The following ELF5 variants were observed in gnomAD, a reference collection of about 807,000 sequenced individuals.
The protein encoded by ELF5 is E74 like ETS transcription factor 5.
A neutral mutation model predicts 38.2 loss-of-function variants in ELF5; 31 were observed. The observed-to-expected ratio is 0.81, with a 90% CI of 0.61 to 1.10. The LOEUF is 1.10. ELF5 is among the 50% of genes least tolerant of loss of function. The pLI is 0.00. For missense variants in ELF5, 300 were observed against 306.6 expected (o/e 0.98, Z 0.16); for synonymous variants, 121 against 112.5 (o/e 1.08, Z -0.48).
In ELF5 at chr11:34,480,943, T is replaced by G; in HGVS notation, c.500A>C (p.Glu167Ala). Residue 167 changes from glutamate to alanine, a missense_variant, in exon 6 of 7, where the codon GAA (glutamate) becomes GCA (alanine). Glu to Ala is a moderately radical substitution (Grantham distance 107). Transcript: ENST00000257832. ...RTSLQSSHLW[E>A]FVRDLLLSPE... ...AGATAGAAGCAGGTCTCGTACAAAT[T>G]CCCATAGATGAGAACTTTGGAGGCC... 1 of 1,613,430 alleles carries G rather than the reference T, an allele frequency of 6.2e-7. No homozygotes were observed. The highest frequency in any genetic ancestry group is 1.3e-5 in the African/African-American group (1 of 74,944).
intron 2 of ELF5, among the ~76,000 whole-genome samples, chr11:34,499,438 C>A (rs1370085069): frequency 1.3e-5 from 2 of 152,010 alleles, no homozygotes; most frequent in African/African-American, 4.8e-5. Context: ...CAGGGTCTCA[C>A]CATTTTGCTC....
intron 2 of ELF5, among the ~76,000 whole-genome samples, chr11:34,505,249 T>G (rs370867301): frequency 1.3e-5 from 2 of 152,312 alleles, no homozygotes; most frequent in South Asian, 4.1e-4. Flanking sequence ...CAGTAAATGT[T>G]GGCTAAAACC....
chr11:34,496,274 C>G (rs1397578660), intron 2 of ELF5, among the ~76,000 whole-genome samples: 2 of 152,362 alleles, frequency 1.3e-5, no homozygotes, highest in East Asian at 3.9e-4. Context: ...GCGGCCTCGG[C>G]CCCTGGAGGG....
intron 4 of ELF5, among the ~76,000 whole-genome samples, chr11:34,484,469 C>A (rs1857026120): frequency 1.6e-5 from 1 of 60,728 alleles, no homozygotes; most frequent in African/African-American, 1.2e-4. Context: ...CTGTACTGTG[C>A]TACACTATAC....
At chr11:34,481,455 T>C (rs1439653104) in intron 5 of ELF5, among the ~76,000 whole-genome samples, 1 of 152,238 alleles carries the variant, frequency 6.6e-6, no homozygotes, top group Non-Finnish European at 1.5e-5. Flanking sequence ...GACATGTCTG[T>C]GTCTCCCATC....
chr11:34,491,100 G>C (rs1229858857), intron 3 of ELF5, among the ~76,000 whole-genome samples: 1 of 152,182 alleles, frequency 6.6e-6, no homozygotes, highest in Non-Finnish European at 1.5e-5. Context: ...TGTTCTGCCA[G>C]AGTCAAAACC....
chr11:34,481,573 G>T (rs1856943881), intron 5 of ELF5, among the ~76,000 whole-genome samples: 1 of 152,200 alleles, frequency 6.6e-6, no homozygotes, highest in African/African-American at 2.4e-5. Flanking sequence ...TGGAATGAGT[G>T]AAATGACAGT....
At chr11:34,509,151 G>A (rs929625479) in intron 1 of ELF5, among the ~76,000 whole-genome samples, 1 of 152,106 alleles carries the variant, frequency 6.6e-6, no homozygotes, top group Non-Finnish European at 1.5e-5. Flanking sequence ...ACAACATGGC[G>A]AAACCCCGTC....
rs753269550 is a variant in ELF5, at chr11:34,493,559, A to G, written c.275T>C (p.Met92Thr). 2 of 1,614,226 alleles carry G rather than the reference A, an allele frequency of 1.2e-6. No homozygotes were observed. Among genetic ancestry groups the G allele is most frequent in the Admixed American group, 1.7e-5 (1 of 60,018 alleles). The change falls in exon 3 of 7, where the codon ATG (methionine) becomes ACG (threonine). Residue 92 changes from methionine to threonine, a missense_variant. Met to Thr is a moderately conservative substitution (Grantham distance 81). Coordinates refer to ENST00000257832, the MANE Select transcript of ELF5 (RefSeq NM_001422.4). The part of the protein sequence containing the change: ...FNISGLQLCS[M>T]TQEEFVEAAG... ...TGCCTCGACGAACTCCTCCTGTGTC[A>G]TGCTGCACAGCTGCAGGCCACTGAT... is the stretch of plus-strand genomic sequence containing the variant.
chr11:34,509,357 G>T (rs951485043), intron 1 of ELF5, among the ~76,000 whole-genome samples: 1 of 152,104 alleles, frequency 6.6e-6, no homozygotes, highest in Non-Finnish European at 1.5e-5. Flanking sequence ...ACAAAAACGT[G>T]CATGAGAACT....
At position 34,479,951 on chromosome 11, in the gene ELF5, T is replaced by A; in HGVS notation, c.*267A>T. The A allele has an allele frequency of 2.4e-6, 1 of 419,256 alleles. No homozygotes were observed. 26.0% of individuals were successfully genotyped at this position (419,256 alleles called of 1,614,324 possible). A position where few individuals can be genotyped will look rare whatever the true frequency, so the allele number is the denominator to read the frequency against. ...ATGGGCTGTTGTCATTCCACAACTC[T>A]AGGAAAATAAAGTTTGATCAAGACA... On this transcript the variant is annotated 3_prime_UTR_variant, in exon 7 of 7. Coordinates refer to ENST00000257832, the MANE Select transcript of ELF5 (RefSeq NM_001422.4).
chr11:34,506,975 TTATA>T (rs1316328993), intron 1 of ELF5, among the ~76,000 whole-genome samples: 1 of 152,222 alleles, frequency 6.6e-6, no homozygotes, highest in Non-Finnish European at 1.5e-5. Flanking sequence ...TGAATTGATG[TTATA>T]TAGTTTTATA....
rs1850237508 is a variant in ELF5 at position 34,493,616 on chromosome 11, T to C, written c.218A>G (p.Asp73Gly). 1 of 1,614,182 alleles carries C rather than the reference T, an allele frequency of 6.2e-7. No individual in the cohort carries two copies. The highest frequency in any genetic ancestry group is 1.7e-5 in the Admixed American group (1 of 60,008). The change falls in exon 3 of 7, where the codon GAC becomes GGC. Residue 73 changes from aspartate to glycine, a missense_variant. Transcript: ENST00000257832. Reference protein sequence around the residue: ...LQFCCDQYKLDTNCISFCNFN... With the variant: ...LQFCCDQYKLGTNCISFCNFN... ...GTTGCAGAAGGAGATGCAATTGGTG[T>C]CCAACTTGTACTGGTCGCAGCAGAA... is the stretch of plus-strand genomic sequence containing the variant.
chr11:34,488,965 C>T (rs1850085497), intron 4 of ELF5, among the ~76,000 whole-genome samples: 1 of 152,154 alleles, frequency 6.6e-6, no homozygotes, highest in African/African-American at 2.4e-5. Context: ...ATTCTACCAG[C>T]ACCAGGAAAC....
Position 34,480,834 on chromosome 11 carries a change from C to T in ELF5, c.609G>A (p.Lys203=), listed in dbSNP as rs1044561982. 8 of 1,614,136 alleles carry T rather than the reference C, an allele frequency of 5.0e-6. No homozygotes were observed. The highest frequency in any genetic ancestry group is 1.1e-5 in the South Asian group (1 of 91,080). Residue 203 remains lysine (K), a synonymous_variant, in exon 6 of 7, where the codon AAG becomes AAA. Transcript: ENST00000257832. ...CATTTTTCTTCCTTTGTCCCCACAT[C>T]TTTGCCAGGGCTTCCGATTTAACCA... The part of the protein sequence containing the change: ...FRVVKSEALA[K]MWGQRKKNDR...
intron 4 of ELF5, among the ~76,000 whole-genome samples, chr11:34,488,149 G>T (rs1253033896): frequency 6.6e-6 from 1 of 151,492 alleles, no homozygotes; most frequent in East Asian, 1.9e-4. Flanking sequence ...TAATATCATC[G>T]TGATGAGCAG....
chr11:34,497,582 C>G (rs1265647561), intron 2 of ELF5, among the ~76,000 whole-genome samples: 1 of 152,182 alleles, frequency 6.6e-6, no homozygotes, highest in Admixed American at 6.5e-5. Flanking sequence ...GCACCAGATG[C>G]CCGCAGGGTC....
In ELF5 at chr11:34,511,433, G is replaced by A. The variant is rs914829586; in HGVS notation, c.-5+2244C>T. 7.0e-6 allele frequency: 10 copies of A among 1,421,578 alleles called. No homozygotes were observed. The African/African-American group carries it at 7.0e-5, about 10-fold the overall frequency. 88.1% of individuals were successfully genotyped at this position (1,421,578 alleles called of 1,614,324 possible). On this transcript the variant is annotated intron_variant, in intron 1 of 6. Transcript: ENST00000257832. ...AAGCTGGAATCAGTTTCCCCCAAAT[G>A]TAGTCATCATTCTAGCTGCCTAGTA...
At chr11:34,487,106 G>A (rs1378298881) in intron 4 of ELF5, among the ~76,000 whole-genome samples, 1 of 151,866 alleles carries the variant, frequency 6.6e-6, no homozygotes, top group Admixed American at 6.6e-5. Context: ...TAGGGTTTCT[G>A]TTTGGGGAAA....
Sources: gnomAD v4.1 joint callset for allele counts (sites outside exome capture counted in the v4.1 genomes callset) on GRCh38, gnomAD v4.1.1 for gene constraint, MANE v1.5 for transcripts, NCBI Gene and HGNC (gene_info 2026-07-23, HGNC 2026-07-21) for gene names.